EYA2: variants seen among roughly 807,000 people sequenced by gnomAD.
EYA2 encodes the protein protein phosphatase EYA2.
EYA2 carries 31 observed loss-of-function variants against 69.2 expected under a neutral mutation model. The ratio of observed to expected loss-of-function variants is 0.45; its 90% CI spans 0.34 to 0.60. The LOEUF (loss-of-function observed/expected upper bound fraction) is 0.60. Among genes scored for constraint, EYA2 ranks in the 20% least tolerant of loss-of-function variants. The probability of loss-of-function intolerance (pLI) is 0.02; values close to 1 mark genes in which losing one functional copy is unlikely to be tolerated. For synonymous variants in EYA2, 257 were observed against 279.4 expected (o/e 0.92, Z 0.80); for missense variants, 622 against 701.2 (o/e 0.89, Z 1.28).
At chr20:47,095,894 A>C (rs935979200) in intron 8 of EYA2, 1 of 152,208 alleles carries the variant, frequency 6.6e-6, no homozygotes, top group African/African-American at 2.4e-5. Flanking sequence ...AAAACAGTGG[A>C]TCCAACCCAG....
chr20:46,957,531 A>T (rs1311834940), intron 1 of EYA2, among the ~76,000 whole-genome samples: 14 of 10,566 alleles, frequency 1.3e-3, no homozygotes, highest in East Asian at 7.4e-3. Context: ...AGGAGATTTC[A>T]CACACACACA....
At chr20:47,083,872 T>A (rs979089554) in intron 7 of EYA2, among the ~76,000 whole-genome samples, 1 of 152,180 alleles carries the variant, frequency 6.6e-6, no homozygotes, top group African/African-American at 2.4e-5. Context: ...GCAAGGCATA[T>A]CTCGAATAAA....
At chr20:46,899,025 A>T (rs1025433339) in intron 1 of EYA2, among the ~76,000 whole-genome samples, 1 of 152,226 alleles carries the variant, frequency 6.6e-6, no homozygotes, top group Non-Finnish European at 1.5e-5. Flanking sequence ...GCCTGCAGTC[A>T]GCTCTTCACG....
At chr20:46,942,426 G>T (rs1054042572) in intron 1 of EYA2, among the ~76,000 whole-genome samples, 6 of 151,992 alleles carry the variant, frequency 3.9e-5, no homozygotes, top group South Asian at 4.2e-4. Flanking sequence ...CCATTTTTAG[G>T]GGGGGAAAAC....
chr20:47,004,894 G>A, intron 3 of EYA2, 48 bp from the exon 4 acceptor site: 1 of 1,613,692 alleles, frequency 6.2e-7, no homozygotes. Context: ...AAGGAAGAAG[G>A]GGTGCCAGAC....
chr20:47,047,862 G>A (rs2030124805), intron 5 of EYA2, among the ~76,000 whole-genome samples: 1 of 151,940 alleles, frequency 6.6e-6, no homozygotes, highest in African/African-American at 2.4e-5. Flanking sequence ...GGCTCCATGG[G>A]AGGATTCATT....
At chr20:46,917,998 T>C (rs1462695041) in intron 1 of EYA2, among the ~76,000 whole-genome samples, 2 of 152,178 alleles carry the variant, frequency 1.3e-5, no homozygotes, top group South Asian at 4.1e-4. Flanking sequence ...TATAGCATTT[T>C]ACCCAAAGCA....
chr20:47,031,767 T>A (rs982544861), intron 5 of EYA2, among the ~76,000 whole-genome samples: 2 of 152,080 alleles, frequency 1.3e-5, no homozygotes, highest in Non-Finnish European at 2.9e-5. Context: ...CTGCACAATT[T>A]GTTGAAAAGT....
chr20:47,121,312 C>A (rs933732913), intron 9 of EYA2, among the ~76,000 whole-genome samples: 1 of 152,118 alleles, frequency 6.6e-6, no homozygotes, highest in Admixed American at 6.5e-5. Flanking sequence ...AGGCTTGTCT[C>A]GAACTCCTGA....
At chr20:47,069,485 G>GT (rs2031233758) in intron 5 of EYA2, among the ~76,000 whole-genome samples, 1 of 152,016 alleles carries the variant, frequency 6.6e-6, no homozygotes, top group Non-Finnish European at 1.5e-5. Context: ...GCGAGATTCT[G>GT]TTTTTTAAAA....
At chr20:46,966,293 T>C (rs1398240778) in intron 1 of EYA2, among the ~76,000 whole-genome samples, 2 of 152,114 alleles carry the variant, frequency 1.3e-5, no homozygotes, top group Non-Finnish European at 2.9e-5. Context: ...AGCATACCGT[T>C]CATTCATTTG....
At chr20:47,105,235 A>AT (rs1016936420) in intron 9 of EYA2, among the ~76,000 whole-genome samples, 2 of 152,048 alleles carry the variant, frequency 1.3e-5, no homozygotes, top group Non-Finnish European at 2.9e-5. Context: ...CATTGGTTTT[A>AT]TTTTTTGTGG....
chr20:46,995,659 A>G (rs753141943), intron 2 of EYA2, among the ~76,000 whole-genome samples: 1 of 152,334 alleles, frequency 6.6e-6, no homozygotes, highest in East Asian at 1.9e-4. Flanking sequence ...AAATTGTCTC[A>G]TCTCACTGGG....
intron 1 of EYA2, among the ~76,000 whole-genome samples, chr20:46,945,151 G>T (rs1978378439): frequency 6.6e-6 from 1 of 152,064 alleles, no homozygotes; most frequent in African/African-American, 2.4e-5. Flanking sequence ...CAATAGGAAG[G>T]TCCTTTCTTT....
chr20:47,112,862 C>CATTTTTTTT (rs2032784688), intron 9 of EYA2, among the ~76,000 whole-genome samples: 1 of 55,810 alleles, frequency 1.8e-5, no homozygotes, highest in East Asian at 6.0e-4. Context: ...ATGTTCACTC[C>CATTTTTTTT]TTTTTTTTTT....
intron 1 of EYA2, among the ~76,000 whole-genome samples, chr20:46,949,433 C>G (rs1978667600): frequency 6.6e-6 from 1 of 152,114 alleles, no homozygotes; most frequent in South Asian, 2.1e-4. Flanking sequence ...ATAGAGAACT[C>G]AAGTCAAACT....
chr20:47,076,223 G>A (rs898697190), intron 7 of EYA2, among the ~76,000 whole-genome samples: 11 of 152,140 alleles, frequency 7.2e-5, no homozygotes, highest in Non-Finnish European at 1.6e-4. Flanking sequence ...ACCCAGTAAT[G>A]GGATTGCTGG....
intron 1 of EYA2, among the ~76,000 whole-genome samples, chr20:46,936,844 AT>A (rs1985931540): frequency 6.6e-6 from 1 of 151,970 alleles, no homozygotes; most frequent in Admixed American, 6.6e-5. Flanking sequence ...CGATTCGGGG[AT>A]TTCTTTTCTG....
At chr20:47,019,510 A>G (rs1983618308) in intron 5 of EYA2, among the ~76,000 whole-genome samples, 1 of 152,142 alleles carries the variant, frequency 6.6e-6, no homozygotes, top group Non-Finnish European at 1.5e-5. Context: ...GAGGAGAAAT[A>G]AACTCTCGAA....
Sources: allele counts gnomAD v4.1 joint callset (sites outside exome capture counted in the v4.1 genomes callset), GRCh38; gene constraint gnomAD v4.1.1; transcripts MANE v1.5; gene names NCBI Gene and HGNC (gene_info 2026-07-23, HGNC 2026-07-21).